The following DSCAML1 variants were observed in gnomAD, a reference collection of about 807,000 sequenced individuals.
The protein encoded by DSCAML1 is DS cell adhesion molecule like 1.
In DSCAML1, 38 loss-of-function variants were observed where a neutral mutation model predicts 200.5. That is an observed-to-expected ratio of 0.19 (90% CI 0.15 to 0.25). The LOEUF (loss-of-function observed/expected upper bound fraction) is 0.25, where lower values mean the gene tolerates loss of function less well. Ranked by LOEUF, DSCAML1 falls within the 10% of genes least tolerant of loss-of-function variation. The probability of loss-of-function intolerance (pLI) is 1.00; values close to 1 mark genes in which losing one functional copy is unlikely to be tolerated. For synonymous variants in DSCAML1, 1,215 were observed against 1,165.0 expected, an observed-to-expected ratio of 1.04 and a Z score of -0.87; for missense variants, 2,223 against 2,858.8, an observed-to-expected ratio of 0.78 and a Z score of 5.07.
At position 117,446,477 on chromosome 11, in the gene DSCAML1, A is replaced by T. The variant is rs959002959; in HGVS notation, c.3709-2438T>A. On this transcript the variant is annotated intron_variant, in intron 20 of 32. Coordinates refer to ENST00000651296, the MANE Select transcript of DSCAML1 (RefSeq NM_020693.4). ...TGGCTATTATCCTTAATATGTAAAGAACACTTATAAATCAATAAGAAAAAT... is the reference window on the plus strand; with the variant it reads ...TGGCTATTATCCTTAATATGTAAAGTACACTTATAAATCAATAAGAAAAAT... Among the ~76,000 whole-genome samples, 10 of 152,378 alleles carry T rather than the reference A, an allele frequency of 6.6e-5. 1 individual carries two copies. The Middle Eastern group carries it at 0.01, about 155-fold the overall frequency.
chr11:117,663,997 CAT>C (rs2052920908), intron 3 of DSCAML1, among the ~76,000 whole-genome samples: 1 of 152,240 alleles, frequency 6.6e-6, no homozygotes, highest in Non-Finnish European at 1.5e-5. Flanking sequence ...TGCTCAGCGC[CAT>C]CACCAAACAT....
At chr11:117,453,746 C>CTTTCTTTTTTTTTTTTT (rs748920908) in intron 19 of DSCAML1, among the ~76,000 whole-genome samples, 3 of 138,180 alleles carry the variant, frequency 2.2e-5, no homozygotes, top group African/African-American at 8.5e-5. Flanking sequence ...TTCTTTCTTT[C>CTTTCTTTTTTTTTTTTT]TTTTTTTTTT....
chr11:117,699,223 C>G (rs1193678045), intron 3 of DSCAML1, among the ~76,000 whole-genome samples: 1 of 152,144 alleles, frequency 6.6e-6, no homozygotes, highest in African/African-American at 2.4e-5. Flanking sequence ...CAGACAAAGG[C>G]AGGAGCTACC....
intron 3 of DSCAML1, among the ~76,000 whole-genome samples, chr11:117,586,653 G>A (rs1020990277): frequency 6.6e-6 from 1 of 152,176 alleles, no homozygotes; most frequent in Non-Finnish European, 1.5e-5. Context: ...TGAGGGGCTG[G>A]GGAAGTTCAA....
At chr11:117,728,851 T>A (rs1466661052) in intron 3 of DSCAML1, among the ~76,000 whole-genome samples, 1 of 152,230 alleles carries the variant, frequency 6.6e-6, no homozygotes, top group Non-Finnish European at 1.5e-5. Flanking sequence ...TACTGTAAGA[T>A]GGCAGTACTC....
chr11:117,521,324 C>G lies in DSCAML1; in HGVS notation c.1019G>C (p.Gly340Ala). ...STVILSCALT[G>A]SPEFTIRWYR... ...CCAGCGGATGGTGAACTCTGGGGAG[C>G]CCGTCAGGGCACAGGAGAGGATGAC... The change falls in exon 6 of 33, where the codon GGC (glycine) becomes GCC (alanine). Residue 340 changes from glycine to alanine, a missense_variant. By Grantham distance (60) the Gly-to-Ala change is moderately conservative. This residue lies in a region of DSCAML1 where 579 missense variants were observed against 721.5 expected (regional missense o/e 0.80). Transcript: ENST00000651296. 6.2e-7 allele frequency: 1 copy of G among 1,614,152 alleles called. No individual in the cohort carries two copies. Among genetic ancestry groups the G allele is most frequent in the Non-Finnish European group, 8.5e-7 (1 of 1,180,028 alleles).
intron 3 of DSCAML1, among the ~76,000 whole-genome samples, chr11:117,640,146 T>C (rs1439172661): frequency 6.6e-6 from 1 of 152,198 alleles, no homozygotes; most frequent in African/African-American, 2.4e-5. Context: ...GTCTCAGTGC[T>C]TGGGCTGTGG....
At chr11:117,486,086 G>A (rs1592652681) in intron 11 of DSCAML1, among the ~76,000 whole-genome samples, 1 of 152,240 alleles carries the variant, frequency 6.6e-6, no homozygotes, top group African/African-American at 2.4e-5. Flanking sequence ...GGCTTGACAT[G>A]CATTACCAGA....
chr11:117,675,447 G>T (rs1030677714), intron 3 of DSCAML1, among the ~76,000 whole-genome samples: 1 of 147,996 alleles, frequency 6.8e-6, no homozygotes, highest in Admixed American at 6.8e-5. Context: ...ACAGGCGTGT[G>T]CCCCTATGCC....
intron 3 of DSCAML1, among the ~76,000 whole-genome samples, chr11:117,706,567 T>C (rs1303996207): frequency 6.6e-6 from 1 of 152,210 alleles, no homozygotes; most frequent in African/African-American, 2.4e-5. Context: ...TGACTTTTCC[T>C]GGTGCTCTGC....
chr11:117,507,906 G>A (rs980951067), intron 8 of DSCAML1, among the ~76,000 whole-genome samples: 5 of 152,048 alleles, frequency 3.3e-5, no homozygotes, highest in African/African-American at 7.3e-5. Context: ...GTGGTTTATC[G>A]GGCCTTAGAC....
chr11:117,563,410 T>C (rs1037834999), intron 3 of DSCAML1, among the ~76,000 whole-genome samples: 3 of 152,134 alleles, frequency 2.0e-5, no homozygotes, highest in Admixed American at 6.5e-5. Flanking sequence ...GGGCAGAGGC[T>C]AGGAAGAACT....
chr11:117,444,142 G>A (rs1018909614), intron 20 of DSCAML1, 103 bp from the exon 21 acceptor site: 10 of 1,326,318 alleles, frequency 7.5e-6, no homozygotes, highest in African/African-American at 7.4e-5. Flanking sequence ...TGGCGGGGTC[G>A]GATGCGAGGC....
At chr11:117,776,717 T>C (rs2055134229) in intron 3 of DSCAML1, 74 bp downstream of exon 3, 1 of 1,563,534 alleles carries the variant, frequency 6.4e-7, no homozygotes, top group South Asian at 1.1e-5. Context: ...AACAACCAGC[T>C]CAGGCATCTC....
At chr11:117,522,650 G>C (rs1298765568) in intron 5 of DSCAML1, among the ~76,000 whole-genome samples, 1 of 152,216 alleles carries the variant, frequency 6.6e-6, no homozygotes, top group Non-Finnish European at 1.5e-5. Context: ...GCCTCTGCCT[G>C]CTCTCCAGGA....
chr11:117,646,196 AT>A (rs11381254), intron 3 of DSCAML1, among the ~76,000 whole-genome samples: 29 of 148,430 alleles, frequency 2.0e-4, no homozygotes, highest in Admixed American at 3.4e-4. Context: ...ACAAGTCCTG[AT>A]TTTTTTTTTT....
chr11:117,458,988 T>TGCCCACACCTACTGCACAGGCTCA (rs2048427150), intron 18 of DSCAML1, 79 bp from the exon 19 acceptor site: 1 of 1,538,138 alleles, frequency 6.5e-7, no homozygotes, highest in Non-Finnish European at 8.8e-7. Flanking sequence ...GCCTGGGCTC[T>TGCCCACACCTACTGCACAGGCTCA]GCCCACACCT....
intron 3 of DSCAML1, among the ~76,000 whole-genome samples, chr11:117,644,105 G>C (rs1040312033): frequency 6.6e-6 from 1 of 152,200 alleles, no homozygotes; most frequent in South Asian, 2.1e-4. Context: ...GAAGGGGCCC[G>C]TGATGAAGTC....
At chr11:117,587,982 C>T (rs1338265049) in intron 3 of DSCAML1, among the ~76,000 whole-genome samples, 2 of 152,144 alleles carry the variant, frequency 1.3e-5, no homozygotes, top group Admixed American at 6.5e-5. Context: ...CAGCATAACC[C>T]ACGACCACTG....
Sources: allele counts gnomAD v4.1 joint callset (sites outside exome capture counted in the v4.1 genomes callset), GRCh38; gene constraint gnomAD v4.1.1; regional missense constraint gnomAD v4.1.1; transcripts MANE v1.5; gene names NCBI Gene and HGNC (gene_info 2026-07-23, HGNC 2026-07-21).